The following SLC24A3 variants were observed in gnomAD, a reference collection of about 807,000 sequenced individuals.
SLC24A3 encodes solute carrier family 24 member 3.
Under a neutral mutation model 75.8 loss-of-function variants are expected in SLC24A3, and 28 were observed. The observed-to-expected ratio is 0.37, with a 90% confidence interval of 0.27 to 0.51. SLC24A3 has a LOEUF of 0.51. Among genes scored for constraint, SLC24A3 ranks in the 20% least tolerant of loss-of-function variants. The pLI is 0.94. For synonymous variants in SLC24A3, 372 were observed against 334.1 expected (o/e 1.11, Z -1.24); for missense variants, 663 against 847.8 (o/e 0.78, Z 2.71).
chr20:19,718,566 C>T (rs1249608682), intron 16 of SLC24A3, among the ~76,000 whole-genome samples: 2 of 152,090 alleles, frequency 1.3e-5, no homozygotes, highest in Admixed American at 6.5e-5. Context: ...TTATTGACAC[C>T]AAGTGAATGG....
rs1233923621 is a variant in SLC24A3 at position 19,653,058 on chromosome 20, A to G, written c.613-1004A>G. 4.6e-5 allele frequency among the ~76,000 whole-genome samples: 7 copies of G among 151,978 alleles called. No homozygotes were observed. The East Asian group carries it at 1.4e-3, about 29-fold the overall frequency. The stretch of plus-strand genomic sequence containing the variant: ...CAGACTTATTTGTAAGGTCTGCCAA[A>G]GTGGACCTACACTGTAAACAGATAA... On this transcript the variant is annotated intron_variant, in intron 6 of 16. Coordinates refer to ENST00000328041, the MANE Select transcript of SLC24A3 (RefSeq NM_020689.4).
chr20:19,545,089 T>C (rs905718674), intron 3 of SLC24A3, among the ~76,000 whole-genome samples: 5 of 152,216 alleles, frequency 3.3e-5, no homozygotes, highest in African/African-American at 1.2e-4. Context: ...TGCAGCTCTA[T>C]TGTTTTGCTT....
intron 2 of SLC24A3, among the ~76,000 whole-genome samples, chr20:19,459,208 A>G (rs572720389): frequency 1.3e-5 from 2 of 152,294 alleles, no homozygotes; most frequent in Non-Finnish European, 2.9e-5. Flanking sequence ...ATACATACAG[A>G]TATATTTTAA....
intron 2 of SLC24A3, among the ~76,000 whole-genome samples, chr20:19,381,729 A>T (rs953620278): frequency 6.6e-6 from 1 of 152,184 alleles, no homozygotes; most frequent in Admixed American, 6.5e-5. Context: ...GTTTCAGCAC[A>T]AGTTAGGTGA....
intron 15 of SLC24A3, among the ~76,000 whole-genome samples, chr20:19,699,214 T>C (rs1030919919): frequency 6.6e-5 from 10 of 152,268 alleles, no homozygotes; most frequent in African/African-American, 2.4e-4. Context: ...TACTTTAGTG[T>C]ACTTAGACTT....
At chr20:19,517,615 G>A (rs1485601457) in intron 3 of SLC24A3, among the ~76,000 whole-genome samples, 1 of 152,180 alleles carries the variant, frequency 6.6e-6, no homozygotes, top group Non-Finnish European at 1.5e-5. Flanking sequence ...GTTAGCCCCT[G>A]CCCTGGGCCC....
intron 2 of SLC24A3, among the ~76,000 whole-genome samples, chr20:19,368,874 A>C (rs1985942730): frequency 6.6e-6 from 1 of 152,258 alleles, no homozygotes; most frequent in Non-Finnish European, 1.5e-5. Flanking sequence ...AAGCTGGGAC[A>C]ATTTGAACAT....
At chr20:19,648,545 A>C (rs1600320400) in intron 6 of SLC24A3, among the ~76,000 whole-genome samples, 3 of 152,040 alleles carry the variant, frequency 2.0e-5, no homozygotes, top group Admixed American at 2.0e-4. Context: ...CATCAAGAAA[A>C]GTTATCATAA....
intron 6 of SLC24A3, among the ~76,000 whole-genome samples, chr20:19,627,409 A>G (rs542262138): frequency 1.5e-3 from 222 of 152,342 alleles, no homozygotes; most frequent in African/African-American, 5.2e-3. Flanking sequence ...GAAAAAGAGA[A>G]TTCCTTTAAT....
At chr20:19,575,343 C>T (rs1446858413) in intron 3 of SLC24A3, among the ~76,000 whole-genome samples, 1 of 151,138 alleles carries the variant, frequency 6.6e-6, no homozygotes, top group Non-Finnish European at 1.5e-5. Context: ...ATAGAGAGCC[C>T]ATGCTTGGGA....
At position 19,578,921 on chromosome 20, in the gene SLC24A3, TGACTGTCAGTGGCAATGA is replaced by T. The variant is rs554411913; in HGVS notation, c.349-1077_349-1060del. On this transcript the variant is annotated intron_variant, in intron 3 of 16. Transcript: ENST00000328041. Reference sequence around the variant, plus strand: ...CCTCTCAAGTCAGATTCCTTCAATATGACTGTCAGTGGCAATGAGGGCTCCCAGCTTCCTGGTCCACAG... The same window carrying T: ...CCTCTCAAGTCAGATTCCTTCAATATGGGCTCCCAGCTTCCTGGTCCACAG... Among the ~76,000 whole-genome samples the T allele has an allele frequency of 1.6e-4, 25 of 152,228 alleles. No individual in the cohort carries two copies. In the East Asian group the frequency reaches 4.6e-3, roughly 28 times the overall value.
chr20:19,269,375 G>C (rs553974715), intron 1 of SLC24A3, among the ~76,000 whole-genome samples: 31 of 152,378 alleles, frequency 2.0e-4, no homozygotes, highest in African/African-American at 6.0e-4. Flanking sequence ...TCACCTACCA[G>C]ATGTGTCTCT....
intron 2 of SLC24A3, among the ~76,000 whole-genome samples, chr20:19,348,622 A>C (rs1054590367): frequency 1.3e-5 from 2 of 152,088 alleles, no homozygotes; most frequent in Admixed American, 6.6e-5. Flanking sequence ...GTGTTTTAGC[A>C]GGTCTAACAT....
intron 8 of SLC24A3, among the ~76,000 whole-genome samples, chr20:19,668,149 T>C (rs529785541): frequency 2.6e-5 from 4 of 152,226 alleles, no homozygotes; most frequent in Non-Finnish European, 5.9e-5. Flanking sequence ...GTGTAACTTG[T>C]TATTACACGC....
At chr20:19,367,951 A>G (rs1219227780) in intron 2 of SLC24A3, among the ~76,000 whole-genome samples, 1 of 152,266 alleles carries the variant, frequency 6.6e-6, no homozygotes, top group Non-Finnish European at 1.5e-5. Flanking sequence ...CAAAAGAAAC[A>G]TGATGTATTA....
intron 2 of SLC24A3, among the ~76,000 whole-genome samples, chr20:19,288,969 T>C (rs1484204783): frequency 1.3e-5 from 2 of 152,240 alleles, no homozygotes; most frequent in Non-Finnish European, 2.9e-5. Context: ...ATATTTATTC[T>C]TGGGCCTTTA....
At chr20:19,657,013 A>C (rs1303728863) in intron 7 of SLC24A3, among the ~76,000 whole-genome samples, 1 of 152,214 alleles carries the variant, frequency 6.6e-6, no homozygotes, top group Non-Finnish European at 1.5e-5. Flanking sequence ...ATCTGCCCTC[A>C]GGGTGCAGCA....
chr20:19,711,885 G>A (rs1360279490), intron 15 of SLC24A3, among the ~76,000 whole-genome samples: 1 of 152,082 alleles, frequency 6.6e-6, no homozygotes, highest in Non-Finnish European at 1.5e-5. Flanking sequence ...TGATCTGCCC[G>A]CTTTGGCCTC....
At chr20:19,670,195 C>T (rs2032449913) in intron 8 of SLC24A3, among the ~76,000 whole-genome samples, 1 of 150,330 alleles carries the variant, frequency 6.7e-6, no homozygotes. Flanking sequence ...GCTCACCACA[C>T]TGAGGAGAGG....
Sources: gnomAD v4.1 joint callset for allele counts (sites outside exome capture counted in the v4.1 genomes callset) on GRCh38, gnomAD v4.1.1 for gene constraint, MANE v1.5 for transcripts, NCBI Gene and HGNC (gene_info 2026-07-23, HGNC 2026-07-21) for gene names.